Variants in CPNE6 observed in about 807,000 individuals in gnomAD.
CPNE6 encodes copine 6.
Under a neutral mutation model 71.5 loss-of-function variants are expected in CPNE6, and 33 were observed. The observed-to-expected ratio is 0.46, with a 90% CI of 0.35 to 0.62. The LOEUF (loss-of-function observed/expected upper bound fraction) is 0.62. CPNE6 is among the 20% of genes least tolerant of loss of function. The probability of loss-of-function intolerance (pLI) is 0.00; values close to 1 mark genes in which losing one functional copy is unlikely to be tolerated. For missense variants in CPNE6, 576 were observed against 747.3 expected (o/e 0.77, Z 2.67); for synonymous variants, 296 against 293.0 (o/e 1.01, Z -0.10).
At chr14:24,071,683 C>G (rs1177397184) in intron 2 of CPNE6, 42 bp downstream of exon 1, 1 of 719,440 alleles carries the variant, frequency 1.4e-6, no homozygotes, top group Non-Finnish European at 2.5e-6. Flanking sequence ...CAGCCCAGCC[C>G]AGCTTGGCCC....
chr14:24,074,754 C>G lies in CPNE6; in HGVS notation c.631C>G (p.Leu211Val). The G allele has an allele frequency of 6.2e-7, 1 of 1,613,994 alleles. No individual in the cohort carries two copies. The highest frequency in any genetic ancestry group is 8.5e-7 in the Non-Finnish European group (1 of 1,179,964). ...CAGCTGGGAGCCGTTCCGCCTGTCC[C>G]TGCATTCCCTATGCAGCTGTGATGT... Residue 211 changes from leucine to valine, a missense_variant, in exon 8 of 18, where the codon CTG (leucine) becomes GTG (valine). Transcript: ENST00000397016. This position sits in a 1 kb window ranked among gnomAD's most constrained non-coding sequence, Gnocchi z 4.5.
Position 24,077,127 on chromosome 14 carries a change from C to A in CPNE6, c.1300-27C>A. On this transcript the variant is annotated intron_variant, in intron 15 of 17. Transcript: ENST00000397016. This position sits in a 1 kb window ranked among gnomAD's most constrained non-coding sequence, Gnocchi z 6.1. ...CAACGCCCTTGCACACAAAGCCAAC[C>A]CTTCCACCCTCTCTGCTTGCCCTCA... 2 of 1,595,566 alleles carry A rather than the reference C, an allele frequency of 1.3e-6. No individual in the cohort carries two copies. Among genetic ancestry groups the A allele is most frequent in the East Asian group, 2.2e-5 (1 of 44,736 alleles).
In CPNE6 at chr14:24,075,946, G is replaced by C; in HGVS notation, c.924+60G>C. ...GGAGGGGCTGAGTCCATAGTGAAAG[G>C]AAGGAGCCCAGAATCTCCACTGCCC... On this transcript the variant is annotated intron_variant, in intron 11 of 17. Transcript: ENST00000397016. The surrounding 1 kb of genome is among the most constrained non-coding windows in gnomAD (Gnocchi z 4.3). 1.9e-6 allele frequency: 3 copies of C among 1,596,718 alleles called. No individual in the cohort carries two copies. The highest frequency in any genetic ancestry group is 3.3e-4 in the Middle Eastern group (2 of 6,020).
chr14:24,076,897 C>T, exon 15 of CPNE6: 2 of 1,613,330 alleles, frequency 1.2e-6, no homozygotes, highest in South Asian at 2.2e-5. Context: ...GGGGTCATCG[C>T]CTCCTACCGT....
rs1270024937 is a variant in CPNE6, at chr14:24,075,801, C to T, written c.865-26C>T. 1.3e-5 allele frequency: 21 copies of T among 1,610,422 alleles called. No homozygotes were observed. Among genetic ancestry groups the T allele is most frequent in the Non-Finnish European group, 1.5e-5 (18 of 1,176,888 alleles). ...TCCTCAAAGGACCACCCCATCCCCT[C>T]GCCTTACCCCTCTCCCTACCTCCAG... is the stretch of plus-strand genomic sequence containing the variant. On this transcript the variant is annotated intron_variant, in intron 10 of 17. Coordinates refer to ENST00000397016, the Ensembl canonical transcript of CPNE6. This position sits in a 1 kb window ranked among gnomAD's most constrained non-coding sequence, Gnocchi z 4.3.
chr14:24,071,285 A>G (rs1449787145), intron 1 of CPNE6: 2 of 1,319,670 alleles, frequency 1.5e-6, no homozygotes, highest in Non-Finnish European at 2.0e-6. Context: ...TTGAATGTGT[A>G]TGTGCATGCC....
rs780203852 is a variant in CPNE6 at position 24,075,471 on chromosome 14, A to G, written c.778-34A>G. 6.3e-7 allele frequency: 1 copy of G among 1,578,784 alleles called. No homozygotes were observed. ...GGGAGAAAGAGGGGTCACCTGATGGACTTGTGACCCTGAGCTTGTGGGGTG... is the reference window on the plus strand; with the variant it reads ...GGGAGAAAGAGGGGTCACCTGATGGGCTTGTGACCCTGAGCTTGTGGGGTG... On this transcript the variant is annotated intron_variant, in intron 9 of 17. Transcript: ENST00000397016. The surrounding 1 kb of genome is among the most constrained non-coding windows in gnomAD (Gnocchi z 4.3).
At position 24,073,505 on chromosome 14, in the gene CPNE6, C is replaced by T. The variant is rs372349902; in HGVS notation, c.175C>T (p.Arg59Cys). 1.4e-5 allele frequency: 23 copies of T among 1,612,756 alleles called. No homozygotes were observed. Among genetic ancestry groups the T allele is most frequent in the East Asian group, 2.2e-5 (1 of 44,888 alleles). Reference sequence around the variant, plus strand: ...CCTTCAACCACTACCACAGGTAGAGCGCACAGAGGTGCTTCGCTCCTGTTC... The same window carrying T: ...CCTTCAACCACTACCACAGGTAGAGTGCACAGAGGTGCTTCGCTCCTGTTC... The change falls in exon 4 of 18, where the codon CGC becomes TGC. Residue 59 changes from arginine to cysteine, a missense_variant. Coordinates refer to ENST00000397016, the Ensembl canonical transcript of CPNE6. This position sits in a 1 kb window ranked among gnomAD's most constrained non-coding sequence, Gnocchi z 5.5.
rs375009088 is a variant in CPNE6 at position 24,077,312 on chromosome 14, C to T, written c.1458C>T (p.Asp486=). The stretch of plus-strand genomic sequence containing the variant: ...ACATGCGGCTGCTGGATGGCGACGA[C>T]GGCCCCTTGCGCTGCCCCCGAGGGG... The change falls in exon 16 of 18, where the codon GAC becomes GAT. Residue 486 remains aspartate, a synonymous_variant. Transcript: ENST00000397016. The surrounding 1 kb of genome is among the most constrained non-coding windows in gnomAD (Gnocchi z 6.1). 20 of 1,613,774 alleles carry T rather than the reference C, an allele frequency of 1.2e-5. 1 individual carries two copies. The Admixed American group carries it at 2.2e-4, about 17-fold the overall frequency.
chr14:24,075,754 CAGA>C lies in CPNE6; in HGVS notation c.865-70_865-68del. The C allele has an allele frequency of 6.7e-7, 1 of 1,488,688 alleles. No homozygotes were observed. 92.2% of individuals were successfully genotyped at this position (1,488,688 alleles called of 1,614,324 possible). On this transcript the variant is annotated intron_variant, in intron 10 of 17. Transcript: ENST00000397016. The surrounding 1 kb of genome is among the most constrained non-coding windows in gnomAD (Gnocchi z 4.3). ...AACTCTGGCTCCCCCATGTTCCCCACAGAAGCCCTACCCAAGCTCCCTCCTCAA... is the reference window on the plus strand; with the variant it reads ...AACTCTGGCTCCCCCATGTTCCCCACAGCCCTACCCAAGCTCCCTCCTCAA...
At position 24,075,420 on chromosome 14, in the gene CPNE6, T is replaced by C; in HGVS notation, c.778-85T>C. ...CAGCTGAAGGACGGAACCATGGGGG[T>C]CTTGCTCTGGGAGGCTCTGCTGGAA... On this transcript the variant is annotated intron_variant, in intron 9 of 17. Transcript: ENST00000397016. This position sits in a 1 kb window ranked among gnomAD's most constrained non-coding sequence, Gnocchi z 4.3. 1 of 1,439,244 alleles carries C rather than the reference T, an allele frequency of 6.9e-7. No individual in the cohort carries two copies. Among genetic ancestry groups the C allele is most frequent in the Non-Finnish European group, 9.7e-7 (1 of 1,030,246 alleles). 89.2% of individuals were successfully genotyped at this position (1,439,244 alleles called of 1,614,324 possible).
chr14:24,072,655 G>A, intron 2 of CPNE6: 1 of 336,806 alleles, frequency 3.0e-6, no homozygotes, highest in South Asian at 1.4e-4. Context: ...AGCCAAGACT[G>A]CCAGGAACAT....
rs145594047 is a variant in CPNE6, at chr14:24,073,691, G to A, written c.348+13G>A. 4.5e-4 allele frequency: 723 copies of A among 1,605,988 alleles called. 2 individuals are homozygous for A. The East Asian group carries it at 0.013, about 30-fold the overall frequency. On this transcript the variant is annotated intron_variant, in intron 4 of 17. Coordinates refer to ENST00000397016, the Ensembl canonical transcript of CPNE6. This position sits in a 1 kb window ranked among gnomAD's most constrained non-coding sequence, Gnocchi z 5.5. ...CACCTTGGGCCAGGTCTGCATTCCC[G>A]GCCTCCCCGGCTACCCTACCCTACC...
At chr14:24,076,837 C>G (rs1308678211) in intron 14 of CPNE6, 42 bp from the exon 14 acceptor site, 26 of 1,608,892 alleles carry the variant, frequency 1.6e-5, no homozygotes, top group Non-Finnish European at 2.2e-5. Context: ...GGAGGGGGCC[C>G]TGCTCATTTC....
rs762802215 is a variant in CPNE6 at position 24,077,331 on chromosome 14, C to T, written c.1477C>T (p.Arg493Ter). Residue 493 changes from arginine to a stop codon, truncating the protein, a stop_gained, in exon 16 of 18, where the codon CGA becomes TGA. Coordinates refer to ENST00000397016, the Ensembl canonical transcript of CPNE6. LOFTEE classifies it high-confidence loss of function. The surrounding 1 kb of genome is among the most constrained non-coding windows in gnomAD (Gnocchi z 6.1). ...CGACGACGGCCCCTTGCGCTGCCCCCGAGGGGTGCCTGCAGCCCGAGACAT... is the reference window on the plus strand; with the variant it reads ...CGACGACGGCCCCTTGCGCTGCCCCTGAGGGGTGCCTGCAGCCCGAGACAT... The T allele has an allele frequency of 1.2e-6, 2 of 1,613,916 alleles. No individual in the cohort carries two copies. The highest frequency in any genetic ancestry group is 2.2e-5 in the East Asian group (1 of 44,870).
Position 24,075,529 on chromosome 14 carries a change from A to G in CPNE6, c.802A>G (p.Lys268Glu). 6.2e-7 allele frequency: 1 copy of G among 1,612,456 alleles called. No homozygotes were observed. The highest frequency in any genetic ancestry group is 8.5e-7 in the Non-Finnish European group (1 of 1,179,362). ...GATGCAGTGGGACTGTATCAACCCCAAGTATCGGGACAAGAAGAAGAATTA... is the reference window on the plus strand; with the variant it reads ...GATGCAGTGGGACTGTATCAACCCCGAGTATCGGGACAAGAAGAAGAATTA... The change falls in exon 10 of 18, where the codon AAG becomes GAG. Residue 268 changes from lysine to glutamate, a missense_variant. By Grantham distance (56) the Lys-to-Glu change is moderately conservative. Around this residue, in one of 4 missense-constraint regions of CPNE6, gnomAD observed 214 missense variants for 291.2 expected, o/e 0.73. Transcript: ENST00000397016. The surrounding 1 kb of genome is among the most constrained non-coding windows in gnomAD (Gnocchi z 4.3).
At chr14:24,072,226 G>A (rs1297687788) in intron 2 of CPNE6, 4 of 152,362 alleles carry the variant, frequency 2.6e-5, no homozygotes, top group African/African-American at 7.2e-5. Flanking sequence ...CTGTCGCTAA[G>A]AGACGGTGCC....
rs755830032 is a variant in CPNE6, at chr14:24,076,179, G to A, written c.955G>A (p.Asp319Asn). The stretch of plus-strand genomic sequence containing the variant: ...CATTGACTTCACCGCCTCCAATGGG[G>A]ACCCGAGGAGCAGCCAGTCCCTGCA... The change falls in exon 12 of 18, where the codon GAC becomes AAC. Residue 319 changes from aspartate to asparagine, a missense_variant. Physicochemically the swap from Asp to Asn is conservative, Grantham distance 23 (BLOSUM62 1). Transcript: ENST00000397016. 17 of 1,613,976 alleles carry A rather than the reference G, an allele frequency of 1.1e-5. No individual in the cohort carries two copies. The South Asian group carries it at 1.9e-4, about 18-fold the overall frequency.
rs776283249 is a variant in CPNE6, at chr14:24,075,546, G to A, written c.819G>A (p.Lys273=). The A allele has an allele frequency of 2.5e-6, 4 of 1,612,980 alleles. No individual in the cohort carries two copies. The highest frequency in any genetic ancestry group is 3.4e-6 in the Non-Finnish European group (4 of 1,179,552). ...TCAACCCCAAGTATCGGGACAAGAA[G>A]AAGAATTACAAGAGCTCAGGGACGG... The change falls in exon 10 of 18, where the codon AAG becomes AAA. Residue 273 remains lysine, a synonymous_variant. Transcript: ENST00000397016. The surrounding 1 kb of genome is among the most constrained non-coding windows in gnomAD (Gnocchi z 4.3).
Sources: gnomAD v4.1 joint callset for allele counts on GRCh38, gnomAD v4.1.1 for gene constraint, gnomAD v4.1.1 regional missense constraint, Gnocchi (gnomAD v3.1) non-coding constraint, MANE v1.5 for transcripts, NCBI Gene and HGNC (gene_info 2026-07-23, HGNC 2026-07-21) for gene names.